GALNS: variants seen among roughly 807,000 people sequenced by gnomAD.
The protein encoded by GALNS is galactosamine (N-acetyl)-6-sulfatase, also known as N-acetylgalactosamine-6-sulfatase.
GALNS carries 65 observed loss-of-function variants against 65.9 expected under a neutral mutation model. The observed-to-expected ratio is 0.99, with a 90% CI of 0.81 to 1.21. The LOEUF (loss-of-function observed/expected upper bound fraction) is 1.21. Ranked by LOEUF, GALNS falls within the 50% of genes most tolerant of loss-of-function variation. The pLI, the probability that GALNS is intolerant of heterozygous loss-of-function variation, is 0.00. For synonymous variants in GALNS, 346 were observed against 288.9 expected, an observed-to-expected ratio of 1.20 and a Z score of -2.00; for missense variants, 776 against 700.7, an observed-to-expected ratio of 1.11 and a Z score of -1.21.
chr16:88,853,385 C>T (rs1010160471), intron 1 of GALNS, among the ~76,000 whole-genome samples: 4 of 151,816 alleles, frequency 2.6e-5, no homozygotes, highest in Admixed American at 6.6e-5. Context: ...TCCATTCCTA[C>T]TGGTTGCTAT....
In GALNS at chr16:88,856,905, G is replaced by C. The variant is rs775790429; in HGVS notation, c.-28C>G. On this transcript the variant is annotated 5_prime_UTR_variant, in exon 1 of 14. Coordinates refer to ENST00000268695, the MANE Select transcript of GALNS (RefSeq NM_000512.5). ...CAACCACGGGAGCCGCGGAGCCCCGGCCAGCGAGCCGACCTAGCGAGCGTC... is the reference window on the plus strand; with the variant it reads ...CAACCACGGGAGCCGCGGAGCCCCGCCCAGCGAGCCGACCTAGCGAGCGTC... 8 of 1,498,584 alleles carry C rather than the reference G, an allele frequency of 5.3e-6. No individual in the cohort carries two copies. Among genetic ancestry groups the C allele is most frequent in the South Asian group, 3.7e-5 (3 of 80,396 alleles). 92.8% of individuals were successfully genotyped at this position (1,498,584 alleles called of 1,614,324 possible).
chr16:88,835,809 G>C lies in GALNS; in HGVS notation c.674C>G (p.Pro225Arg), dbSNP rs1315344401. The C allele has an allele frequency of 1.2e-6, 2 of 1,614,128 alleles. No individual in the cohort carries two copies. The highest frequency in any genetic ancestry group is 1.7e-6 in the Non-Finnish European group (2 of 1,180,006). ...GTCGACAGCCCAGTAGAGGAAAAAG[G>C]GGTGGTGCCGTGCCTGTCTCTTAAT... ...DFIKRQARHHPFFLYWAVDAT... is the reference protein window; with the variant it reads ...DFIKRQARHHRFFLYWAVDAT... Residue 225 changes from proline (P) to arginine (R), a missense_variant, in exon 7 of 14, where the codon CCC becomes CGC. Physicochemically the swap from Pro to Arg is moderately radical, Grantham distance 103 (BLOSUM62 -2). Transcript: ENST00000268695.
rs970767484 is a variant in GALNS, at chr16:88,838,003, G to C, written c.423-238C>G. The C allele has an allele frequency of 1.1e-5, 6 of 532,070 alleles. No homozygotes were observed. The South Asian group carries it at 1.3e-4, about 11-fold the overall frequency. The allele number at this position is 532,070 out of a possible 1,614,324, so 33.0% of individuals were successfully genotyped here. A position where few individuals can be genotyped will look rare whatever the true frequency, so the allele number is the denominator to read the frequency against. On this transcript the variant is annotated intron_variant, in intron 4 of 13. Transcript: ENST00000268695. ...GGCACAACCGAGGGCGGCAGGCATG[G>C]CGGCGGCCGGGGTTCCCTGCACGGT...
intron 9 of GALNS, 99 bp from the exon 10 acceptor site, chr16:88,826,937 G>C: frequency 7.0e-7 from 1 of 1,426,754 alleles, no homozygotes; most frequent in Non-Finnish European, 9.6e-7. Flanking sequence ...TGCCCAGCTG[G>C]GTCTACAGAT....
chr16:88,827,867 G>A (rs749469780), intron 9 of GALNS, among the ~76,000 whole-genome samples: 6 of 152,210 alleles, frequency 3.9e-5, no homozygotes, highest in South Asian at 2.1e-4. Context: ...ACCGCCATCC[G>A]CTGCCAGGCC....
At position 88,836,762 on chromosome 16, in the gene GALNS, G is replaced by C. The variant is rs377371244; in HGVS notation, c.567-495C>G. Among the ~76,000 whole-genome samples the C allele has an allele frequency of 1.1e-4, 16 of 152,356 alleles. No homozygotes were observed. The South Asian group carries it at 1.7e-3, about 16-fold the overall frequency. Reference sequence around the variant, plus strand: ...GGCACGGTCTTGCATCTGATGACCTGGCTGAGGCCGGTGCTGCAATAACCT... The same window carrying C: ...GGCACGGTCTTGCATCTGATGACCTCGCTGAGGCCGGTGCTGCAATAACCT... On this transcript the variant is annotated intron_variant, in intron 5 of 13. Coordinates refer to ENST00000268695, the MANE Select transcript of GALNS (RefSeq NM_000512.5).
chr16:88,816,966 A>G (rs1909694698), intron 13 of GALNS: 2 of 984,644 alleles, frequency 2.0e-6, no homozygotes, highest in South Asian at 4.7e-5. Context: ...GGCCATCTCC[A>G]CTGTGCTCGG....
At chr16:88,849,024 C>G (rs1391538630) in intron 1 of GALNS, among the ~76,000 whole-genome samples, 1 of 152,246 alleles carries the variant, frequency 6.6e-6, no homozygotes, top group Non-Finnish European at 1.5e-5. Context: ...AGTCCCAGAG[C>G]TGGGCCAGGT....
chr16:88,848,292 C>G (rs1967345201), intron 1 of GALNS, among the ~76,000 whole-genome samples: 1 of 143,556 alleles, frequency 7.0e-6, no homozygotes, highest in East Asian at 1.9e-4. Flanking sequence ...CTAAAAATGA[C>G]CCGCACACTT....
chr16:88,827,511 A>G (rs1040581422), intron 9 of GALNS, among the ~76,000 whole-genome samples: 2 of 152,076 alleles, frequency 1.3e-5, no homozygotes, highest in African/African-American at 4.8e-5. Context: ...CAGTGGTGCG[A>G]TCTCAGCTCA....
At chr16:88,821,093 C>G (rs563302967) in intron 12 of GALNS, among the ~76,000 whole-genome samples, 30 of 152,308 alleles carry the variant, frequency 2.0e-4, no homozygotes, top group Non-Finnish European at 1.5e-5. Flanking sequence ...GGGCGTCTGT[C>G]TCTGTATCTC....
Position 88,817,142 on chromosome 16 carries a change from G to A in GALNS, c.1482+865C>T, listed in dbSNP as rs189440401. The A allele has an allele frequency of 5.7e-5, 56 of 985,478 alleles. No individual in the cohort carries two copies. The East Asian group carries it at 4.4e-3, about 78-fold the overall frequency. 61.0% of individuals were successfully genotyped at this position (985,478 alleles called of 1,614,324 possible). A position where few individuals can be genotyped will look rare whatever the true frequency, so the allele number is the denominator to read the frequency against. ...ACAGGCCTTTGCGGCCACTGCACAC[G>A]CGGGATGGCTGGGCCGTCCACATGC... On this transcript the variant is annotated intron_variant, in intron 13 of 13. Coordinates refer to ENST00000268695, the MANE Select transcript of GALNS (RefSeq NM_000512.5).
At chr16:88,821,738 C>T (rs1910239722) in intron 12 of GALNS, among the ~76,000 whole-genome samples, 1 of 152,194 alleles carries the variant, frequency 6.6e-6, no homozygotes, top group Non-Finnish European at 1.5e-5. Context: ...AAACCCAGGC[C>T]CATCGGGGAG....
At chr16:88,826,978 G>A in intron 9 of GALNS, 140 bp from the exon 10 acceptor site, 1 of 1,045,882 alleles carries the variant, frequency 9.6e-7, no homozygotes, top group Non-Finnish European at 1.4e-6. Context: ...CCACAGCAGG[G>A]ACTGAGCGGG....
chr16:88,842,521 C>T (rs1041875795), intron 2 of GALNS, 185 bp downstream of exon 2: 10 of 707,760 alleles, frequency 1.4e-5, no homozygotes, highest in Non-Finnish European at 2.1e-5. Flanking sequence ...AGGTGCCGCA[C>T]CCCACATGGC....
At chr16:88,850,154 G>C (rs1218179826) in intron 1 of GALNS, among the ~76,000 whole-genome samples, 1 of 152,250 alleles carries the variant, frequency 6.6e-6, no homozygotes, top group Non-Finnish European at 1.5e-5. Flanking sequence ...GGTGGGCCGG[G>C]GGCACAAGGC....
chr16:88,843,277 C>T (rs1967073018), intron 1 of GALNS: 1 of 1,189,694 alleles, frequency 8.4e-7, no homozygotes, highest in Non-Finnish European at 1.1e-6. Context: ...AACTGTCCCC[C>T]AGAAGCCCAG....
intron 3 of GALNS, among the ~76,000 whole-genome samples, chr16:88,841,583 G>A (rs112540818): frequency 5.3e-5 from 8 of 152,290 alleles, no homozygotes; most frequent in African/African-American, 1.4e-4. Flanking sequence ...CAGAACTGCC[G>A]CTGATGCCAC....
Position 88,841,956 on chromosome 16 carries a change from A to G in GALNS, c.260T>C (p.Leu87Pro), listed in dbSNP as rs1418948853. Residue 87 changes from leucine to proline, a missense_variant, in exon 3 of 14, where the codon CTC (leucine) becomes CCC (proline). By Grantham distance (98) the Leu-to-Pro change is moderately conservative. Transcript: ENST00000268695. Reference sequence around the variant, plus strand: ...ATTGCGGATGGGTAGCCGTCCTGTGAGCAGTGCCGCCCTCGCTATGTGGAG... The same window carrying G: ...ATTGCGGATGGGTAGCCGTCCTGTGGGCAGTGCCGCCCTCGCTATGTGGAG... ...PLCSPSRAAL[L>P]TGRLPIRNGF... The G allele has an allele frequency of 1.9e-6, 3 of 1,613,274 alleles. No homozygotes were observed. Among genetic ancestry groups the G allele is most frequent in the Non-Finnish European group, 2.5e-6 (3 of 1,179,676 alleles).
Sources: allele counts gnomAD v4.1 joint callset (sites outside exome capture counted in the v4.1 genomes callset), GRCh38; gene constraint gnomAD v4.1.1; transcripts MANE v1.5; gene names NCBI Gene and HGNC (gene_info 2026-07-23, HGNC 2026-07-21).